Variants in ESRRB observed in about 807,000 individuals in gnomAD.
ESRRB encodes steroid hormone receptor ERR2.
A neutral mutation model predicts 46.0 loss-of-function variants in ESRRB; 16 were observed. That is an observed-to-expected ratio of 0.35 (90% CI 0.24 to 0.53). The LOEUF (loss-of-function observed/expected upper bound fraction) is 0.53. ESRRB is among the 20% of genes least tolerant of loss of function. ESRRB has a pLI of 0.93. For missense variants in ESRRB, 488 were observed against 607.4 expected (o/e 0.80, Z 2.07); for synonymous variants, 246 against 259.6 (o/e 0.95, Z 0.50).
intron 2 of ESRRB, among the ~76,000 whole-genome samples, chr14:76,440,434 AAATAAT>A (rs1290239521): frequency 6.6e-6 from 1 of 152,066 alleles, no homozygotes; most frequent in Non-Finnish European, 1.5e-5. Flanking sequence ...CCCTGTCTCA[AAATAAT>A]AATAATAATA....
chr14:76,324,701 C>T (rs1883906827), intron 1 of ESRRB, among the ~76,000 whole-genome samples: 1 of 152,146 alleles, frequency 6.6e-6, no homozygotes, highest in Non-Finnish European at 1.5e-5. Context: ...AGTTTGGGCT[C>T]AGCAAAGGCA....
In ESRRB at chr14:76,449,142, T is replaced by C. The variant is rs199883758; in HGVS notation, c.460+9392T>C. Among the ~76,000 whole-genome samples the C allele has an allele frequency of 5.3e-5, 8 of 152,348 alleles. No individual in the cohort carries two copies. The East Asian group carries it at 1.5e-3, about 29-fold the overall frequency. Reference sequence around the variant, plus strand: ...TCCTACACCATAAGGGGAGTTCTTTTTTTATTTGTGTTGACTTATGATCAG... The same window carrying C: ...TCCTACACCATAAGGGGAGTTCTTTCTTTATTTGTGTTGACTTATGATCAG... On this transcript the variant is annotated intron_variant, in intron 2 of 6. Transcript: ENST00000644823.
upstream of ESRRB, among the ~76,000 whole-genome samples, chr14:76,374,338 A>G (rs1341544806): frequency 1.3e-5 from 2 of 152,178 alleles, no homozygotes; most frequent in Non-Finnish European, 2.9e-5. Context: ...CCCAAAGCAA[A>G]GGAACCACAG....
intron 1 of ESRRB, among the ~76,000 whole-genome samples, chr14:76,414,992 C>T (rs1349098809): frequency 6.6e-6 from 1 of 152,198 alleles, no homozygotes; most frequent in East Asian, 1.9e-4. Context: ...CACCTGAGTG[C>T]CCCCAGCCTT....
At position 76,462,452 on chromosome 14, in the gene ESRRB, G is replaced by T. The variant is rs1888907221; in HGVS notation, c.461-93G>T. 4 of 919,078 alleles carry T rather than the reference G, an allele frequency of 4.4e-6. No homozygotes were observed. In the South Asian group the frequency reaches 5.4e-5, roughly 12 times the overall value. The allele number at this position is 919,078 out of a possible 1,614,324, so 56.9% of individuals were successfully genotyped here. A position where few individuals can be genotyped will look rare whatever the true frequency, so the allele number is the denominator to read the frequency against. On this transcript the variant is annotated intron_variant, in intron 2 of 6. Transcript: ENST00000644823. ...ACACTAGGGGGGAGTGGCAGCTCTG[G>T]CAAATTAAAATCCCCATCCAGCCAG... is the stretch of plus-strand genomic sequence containing the variant.
At chr14:76,367,556 CAAAA>C (rs550594147), upstream of ESRRB, among the ~76,000 whole-genome samples, 2 of 103,458 alleles carry the variant, frequency 1.9e-5, no homozygotes, top group Admixed American at 1.0e-4. Context: ...GATCCTGTCT[CAAAA>C]AAAAAAAAAA....
At chr14:76,442,769 A>G (rs1172601492) in intron 2 of ESRRB, among the ~76,000 whole-genome samples, 1 of 148,058 alleles carries the variant, frequency 6.8e-6, no homozygotes, top group African/African-American at 2.5e-5. Flanking sequence ...GACTCAGATT[A>G]TTTTAGCTAT....
intron 5 of ESRRB, among the ~76,000 whole-genome samples, chr14:76,488,990 C>T (rs958418239): frequency 2.6e-5 from 4 of 152,168 alleles, no homozygotes; most frequent in African/African-American, 7.2e-5. Flanking sequence ...TAGCACAGGC[C>T]TGGCACTTAG....
At chr14:76,447,144 G>GCTCTT (rs1359581545) in intron 2 of ESRRB, among the ~76,000 whole-genome samples, 2 of 152,088 alleles carry the variant, frequency 1.3e-5, no homozygotes, top group African/African-American at 4.8e-5. Context: ...CCCAGGCTCA[G>GCTCTT]CTCTTCTCTG....
intron 5 of ESRRB, among the ~76,000 whole-genome samples, chr14:76,486,186 G>A (rs1261431991): frequency 6.6e-6 from 1 of 152,222 alleles, no homozygotes; most frequent in African/African-American, 2.4e-5. Flanking sequence ...ATAGGCAGTG[G>A]GGAATCACTT....
chr14:76,409,517 G>T (rs1009301453), intron 1 of ESRRB, among the ~76,000 whole-genome samples: 3 of 150,332 alleles, frequency 2.0e-5, no homozygotes, highest in African/African-American at 4.9e-5. Context: ...ACTTCTTGCA[G>T]ACTTGGTTTA....
At chr14:76,461,251 A>C (rs993540061) in intron 2 of ESRRB, among the ~76,000 whole-genome samples, 2 of 151,984 alleles carry the variant, frequency 1.3e-5, no homozygotes, top group African/African-American at 4.8e-5. Context: ...CACTTGGAAA[A>C]CTCATCTGTA....
chr14:76,436,269 G>A (rs1887670734), intron 1 of ESRRB, among the ~76,000 whole-genome samples: 1 of 152,250 alleles, frequency 6.6e-6, no homozygotes, highest in African/African-American at 2.4e-5. Flanking sequence ...CCTCTCCTGG[G>A]AGGGGCTGGG....
chr14:76,472,848 G>A (rs1309842151), intron 3 of ESRRB, among the ~76,000 whole-genome samples: 2 of 152,218 alleles, frequency 1.3e-5, no homozygotes, highest in Non-Finnish European at 2.9e-5. Context: ...TTCCTGGGAA[G>A]AACACTGGCC....
At chr14:76,465,712 C>G (rs563316166) in intron 3 of ESRRB, among the ~76,000 whole-genome samples, 2 of 152,282 alleles carry the variant, frequency 1.3e-5, no homozygotes, top group African/African-American at 2.4e-5. Context: ...CAGACATGCT[C>G]GGCTCGAAAA....
intron 1 of ESRRB, among the ~76,000 whole-genome samples, chr14:76,332,137 G>A (rs1045413557): frequency 1.3e-5 from 2 of 151,824 alleles, no homozygotes; most frequent in Non-Finnish European, 1.5e-5. Context: ...GATGATTGGA[G>A]TTGCCTCTCT....
chr14:76,497,295 C>G (rs1193950648), intron 6 of ESRRB, among the ~76,000 whole-genome samples: 2 of 152,046 alleles, frequency 1.3e-5, no homozygotes, highest in Non-Finnish European at 2.9e-5. Flanking sequence ...GGACACTCAC[C>G]CCCAGCCTGA....
chr14:76,450,231 T>C (rs1179939336), intron 2 of ESRRB, among the ~76,000 whole-genome samples: 1 of 152,112 alleles, frequency 6.6e-6, no homozygotes, highest in Non-Finnish European at 1.5e-5. Context: ...CAAGGAATCC[T>C]GGGACCAGCG....
intron 1 of ESRRB, among the ~76,000 whole-genome samples, chr14:76,323,490 TG>T (rs372095916): frequency 6.6e-6 from 1 of 152,004 alleles, no homozygotes; most frequent in African/African-American, 2.4e-5. Context: ...TTTTAATTTT[TG>T]GAGAGACAGG....
Sources: allele counts gnomAD v4.1 joint callset (sites outside exome capture counted in the v4.1 genomes callset), GRCh38; gene constraint gnomAD v4.1.1; transcripts MANE v1.5; gene names NCBI Gene and HGNC (gene_info 2026-07-23, HGNC 2026-07-21).